Variants in C4orf51 observed in about 807,000 individuals in gnomAD.
C4orf51 encodes the protein chromosome 4 open reading frame 51, also known as uncharacterized protein C4orf51.
Under a neutral mutation model 25.2 loss-of-function variants are expected in C4orf51, and 25 were observed. That is an observed-to-expected ratio of 0.99 (90% CI 0.72 to 1.39). C4orf51 has a LOEUF of 1.39. Ranked by LOEUF, C4orf51 falls within the 40% of genes most tolerant of loss-of-function variation. The pLI is 0.00. For missense variants in C4orf51, 252 were observed against 239.6 expected (o/e 1.05, Z -0.34); for synonymous variants, 100 against 84.5 (o/e 1.18, Z -1.01).
At chr4:145,734,211 A>G (rs1468914817), downstream of C4orf51, among the ~76,000 whole-genome samples, 1 of 152,182 alleles carries the variant, frequency 6.6e-6, no homozygotes, top group East Asian at 1.9e-4. Flanking sequence ...TGCTTGTGGA[A>G]ACATATTCCC....
chr4:145,714,974 C>T (rs1194169204), intron 2 of C4orf51, among the ~76,000 whole-genome samples: 1 of 152,200 alleles, frequency 6.6e-6, no homozygotes, highest in Non-Finnish European at 1.5e-5. Flanking sequence ...TCTTGTTTGT[C>T]TTCCCTAGAG....
chr4:145,752,926 A>C (rs1579038944), intron 1 of C4orf51, among the ~76,000 whole-genome samples: 1 of 149,852 alleles, frequency 6.7e-6, no homozygotes, highest in East Asian at 1.9e-4. Flanking sequence ...ACAAGGCAGC[A>C]CTGAGGTCAG....
rs1287207299 is a variant in C4orf51 at position 145,761,693 on chromosome 4, C to T, written n.167-9295C>T. On this transcript the variant is annotated intron_variant and non_coding_transcript_variant, in intron 1 of 1. Transcript: ENST00000510096. This position sits in a 1 kb window ranked among gnomAD's most constrained non-coding sequence, Gnocchi z 6.8. Reference sequence around the variant, plus strand: ...TCACCAGCCTTCCCTCACACCACCCCCCAGTGTCTGAGGCCTGGCCTGCCC... The same window carrying T: ...TCACCAGCCTTCCCTCACACCACCCTCCAGTGTCTGAGGCCTGGCCTGCCC... 2.5e-6 allele frequency: 2 copies of T among 787,632 alleles called. No individual in the cohort carries two copies. Among genetic ancestry groups the T allele is most frequent in the East Asian group, 6.6e-5 (1 of 15,250 alleles). The allele number at this position is 787,632 out of a possible 1,614,324, so 48.8% of individuals were successfully genotyped here.
chr4:145,752,070 A>G (rs1733706537), intron 1 of C4orf51, among the ~76,000 whole-genome samples: 1 of 152,200 alleles, frequency 6.6e-6, no homozygotes, highest in African/African-American at 2.4e-5. Context: ...GGCCCAGGGC[A>G]GGTCCAGAAA....
chr4:145,737,802 G>A (rs562238406), intron 1 of C4orf51, among the ~76,000 whole-genome samples: 1 of 152,184 alleles, frequency 6.6e-6, no homozygotes, highest in Admixed American at 6.5e-5. Context: ...GTACCTTTTA[G>A]GATTGCCTTT....
chr4:145,742,544 T>G (rs113743199), intron 1 of C4orf51, among the ~76,000 whole-genome samples: 1 of 94,442 alleles, frequency 1.1e-5, no homozygotes, highest in Non-Finnish European at 2.2e-5. Context: ...TTTTTTTTTT[T>G]TTTTTTTTTT....
At chr4:145,684,995 C>A (rs113087191) in intron 1 of C4orf51, among the ~76,000 whole-genome samples, 2 of 152,086 alleles carry the variant, frequency 1.3e-5, no homozygotes, top group African/African-American at 4.8e-5. Flanking sequence ...TAAGTAAATA[C>A]ACAATCATAG....
chr4:145,740,894 A>G (rs1198454190), intron 1 of C4orf51, among the ~76,000 whole-genome samples: 1 of 152,232 alleles, frequency 6.6e-6, no homozygotes, highest in Non-Finnish European at 1.5e-5. Flanking sequence ...TTTCTATCTC[A>G]TAAAACCCAG....
intron 2 of C4orf51, 69 bp downstream of exon 2, chr4:145,696,701 T>C (rs1451381738): frequency 2.6e-6 from 3 of 1,137,236 alleles, no homozygotes; most frequent in African/African-American, 3.2e-5. Context: ...TTTCAGGTTC[T>C]TTTTTTTTCT....
chr4:145,696,754 C>T lies in C4orf51; in HGVS notation c.307+122C>T, dbSNP rs934778322. The stretch of plus-strand genomic sequence containing the variant: ...TGATTGACAAATAAAAATTGTAGGC[C>T]GGGCACTGTGGCTCACACCTGTACT... On this transcript the variant is annotated intron_variant, in intron 2 of 5. Transcript: ENST00000438731. 28 of 741,374 alleles carry T rather than the reference C, an allele frequency of 3.8e-5. 1 individual carries two copies. Among genetic ancestry groups the T allele is most frequent in the East Asian group, 3.0e-4 (11 of 37,204 alleles). The allele number at this position is 741,374 out of a possible 1,614,324, so 45.9% of individuals were successfully genotyped here.
At chr4:145,688,379 G>T in intron 1 of C4orf51, among the ~76,000 whole-genome samples, 1 of 152,104 alleles carries the variant, frequency 6.6e-6, no homozygotes. Flanking sequence ...TGATAGATGT[G>T]GTTTGGCTTT....
intron 1 of C4orf51, among the ~76,000 whole-genome samples, chr4:145,767,731 A>C (rs1029256593): frequency 6.6e-6 from 1 of 152,244 alleles, no homozygotes; most frequent in Non-Finnish European, 1.5e-5. Flanking sequence ...ACTGAAAGAT[A>C]CACTGTCAAC....
the C4orf51 span, among the ~76,000 whole-genome samples, chr4:145,782,898 TA>T: frequency 2.0e-5 from 3 of 152,198 alleles, no homozygotes; most frequent in Non-Finnish European, 4.4e-5. Flanking sequence ...TTCTGTACAA[TA>T]AACTCAGACT....
At chr4:145,759,113 C>T (rs1009077145), downstream of C4orf51, 2 of 152,128 alleles carry the variant, frequency 1.3e-5, no homozygotes, top group Non-Finnish European at 2.9e-5. Context: ...GAAAATGTTC[C>T]TCCTGTACAC....
the C4orf51 span, among the ~76,000 whole-genome samples, chr4:145,788,672 A>G: frequency 6.6e-6 from 1 of 152,234 alleles, no homozygotes; most frequent in African/African-American, 2.4e-5. Flanking sequence ...AACTGACAAT[A>G]TTGATTCAGG....
chr4:145,726,234 A>T (rs182557854), intron 2 of C4orf51, among the ~76,000 whole-genome samples: 2 of 152,348 alleles, frequency 1.3e-5, no homozygotes, highest in Non-Finnish European at 2.9e-5. Context: ...TGGTATTTTA[A>T]CACATGTATA....
chr4:145,729,371 G>A (rs550279484), intron 4 of C4orf51, 142 bp downstream of exon 4: 69 of 537,448 alleles, frequency 1.3e-4, no homozygotes, highest in South Asian at 1.9e-4. Flanking sequence ...GCGCGATCTC[G>A]GCTCACTGCA....
intron 3 of C4orf51, 64 bp downstream of exon 3, chr4:145,727,033 A>G (rs1262119705): frequency 6.3e-6 from 8 of 1,265,578 alleles, no homozygotes; most frequent in African/African-American, 1.5e-5. Flanking sequence ...TACACTGCAT[A>G]TTATTCATTA....
At chr4:145,682,943 C>G (rs36094862) in intron 1 of C4orf51, among the ~76,000 whole-genome samples, 19,564 of 151,908 alleles carry the variant, frequency 0.13, 1,321 homozygotes, top group Admixed American at 0.19. Flanking sequence ...ACAAATAAAA[C>G]TGTCTTTGTT....
Sources: gnomAD v4.1 joint callset for allele counts (sites outside exome capture counted in the v4.1 genomes callset) on GRCh38, gnomAD v4.1.1 for gene constraint, Gnocchi (gnomAD v3.1) non-coding constraint, MANE v1.5 for transcripts, NCBI Gene and HGNC (gene_info 2026-07-23, HGNC 2026-07-21) for gene names.